POP1: variants seen among roughly 807,000 people sequenced by gnomAD.
The protein encoded by POP1 is POP1 ribonuclease P/MRP subunit, also known as ribonucleases P/MRP protein subunit POP1.
Under a neutral mutation model 102.2 loss-of-function variants are expected in POP1, and 75 were observed. The observed-to-expected ratio is 0.73, with a 90% CI of 0.61 to 0.89. The LOEUF is 0.89. Ranked by LOEUF, POP1 falls within the 40% of genes least tolerant of loss-of-function variation. The probability of loss-of-function intolerance (pLI) is 0.00; values close to 1 mark genes in which losing one functional copy is unlikely to be tolerated. For missense variants in POP1, 1,116 were observed against 1,267.4 expected, an observed-to-expected ratio of 0.88 and a Z score of 1.81; for synonymous variants, 436 against 464.1, an observed-to-expected ratio of 0.94 and a Z score of 0.78.
intron 12 of POP1, among the ~76,000 whole-genome samples, chr8:98,147,971 A>G (rs1809399931): frequency 6.6e-6 from 1 of 152,168 alleles, no homozygotes; most frequent in Non-Finnish European, 1.5e-5. Context: ...TTGTGGTGTC[A>G]TTCAGCTAGG....
intron 5 of POP1, among the ~76,000 whole-genome samples, chr8:98,130,843 T>C (rs1006773567): frequency 3.9e-5 from 6 of 152,218 alleles, no homozygotes; most frequent in Non-Finnish European, 4.4e-5. Flanking sequence ...GAAGGATGTT[T>C]TAAATTTTAA....
chr8:98,148,556 A>G (rs1809421279), intron 12 of POP1, among the ~76,000 whole-genome samples: 1 of 152,236 alleles, frequency 6.6e-6, no homozygotes. Context: ...TAATCTTGAT[A>G]TAAGAGATCA....
intron 1 of POP1, among the ~76,000 whole-genome samples, chr8:98,118,487 A>G (rs532484753): frequency 2.0e-5 from 3 of 151,944 alleles, no homozygotes; most frequent in Middle Eastern, 3.4e-3. Flanking sequence ...GTACAGTGGC[A>G]TGATCTTGGC....
chr8:98,128,547 G>A lies in POP1; in HGVS notation c.486+7G>A, dbSNP rs1292907977. On this transcript the variant is annotated splice_region_variant and intron_variant, in intron 4 of 15. Transcript: ENST00000401707. ...GGAGATTGCCCAGAAAGAGGTAGGA[G>A]TTCCACTTAGTGTAAATGTTTAGAT... is the stretch of plus-strand genomic sequence containing the variant. 2 of 1,613,414 alleles carry A rather than the reference G, an allele frequency of 1.2e-6. No homozygotes were observed. The highest frequency in any genetic ancestry group is 1.7e-5 in the Admixed American group (1 of 59,982).
At chr8:98,140,657 A>T in intron 10 of POP1, 112 bp from the exon 11 acceptor site, 2 of 1,073,532 alleles carry the variant, frequency 1.9e-6, no homozygotes, top group South Asian at 1.3e-5. Flanking sequence ...GTTTTTAAGT[A>T]ATTAGTCCAA....
intron 14 of POP1, among the ~76,000 whole-genome samples, chr8:98,153,508 A>G (rs1035926434): frequency 1.4e-5 from 2 of 141,464 alleles, no homozygotes; most frequent in African/African-American, 5.3e-5. Flanking sequence ...CTATCTTCCA[A>G]CTAGATTTAC....
intron 1 of POP1, among the ~76,000 whole-genome samples, chr8:98,121,904 C>G (rs1050589184): frequency 6.6e-6 from 1 of 152,044 alleles, no homozygotes; most frequent in African/African-American, 2.4e-5. Context: ...CCAAGATGGT[C>G]TCGATCTCCT....
chr8:98,131,473 T>TATA (rs1290135078), intron 5 of POP1, among the ~76,000 whole-genome samples: 3 of 152,352 alleles, frequency 2.0e-5, no homozygotes, highest in Non-Finnish European at 4.4e-5. Flanking sequence ...ATTGTAGGTA[T>TATA]ATACCGTATC....
intron 9 of POP1, 37 bp from the exon 10 acceptor site, chr8:98,140,041 A>T (rs1368166220): frequency 6.7e-7 from 1 of 1,494,674 alleles, no homozygotes; most frequent in East Asian, 2.3e-5. Context: ...AGGTGGATTC[A>T]TTGTTCGTCC....
At chr8:98,120,383 T>G (rs566604802) in intron 1 of POP1, among the ~76,000 whole-genome samples, 1 of 152,380 alleles carries the variant, frequency 6.6e-6, no homozygotes, top group African/African-American at 2.4e-5. Context: ...TACCATAAAC[T>G]GAGCATTTAG....
intron 5 of POP1, 54 bp from the exon 6 acceptor site, chr8:98,133,895 A>C: frequency 7.6e-7 from 1 of 1,318,386 alleles, no homozygotes; most frequent in Admixed American, 1.7e-5. Context: ...GCTTCTTAGC[A>C]GTTTTGCCTG....
chr8:98,157,847 T>G lies in POP1; in HGVS notation c.2651T>G (p.Leu884Arg). The change falls in exon 16 of 16, where the codon CTC becomes CGC. Residue 884 changes from leucine (L) to arginine (R), a missense_variant. Coordinates refer to ENST00000401707, the MANE Select transcript of POP1 (RefSeq NM_001145860.2). ...TGTGTCCCAGCCAAGGAGGACTTCC[T>G]CCAGCTCCATGAGGACTGGCATTAC... ...MICVPAKEDF[L>R]QLHEDWHYCG... is the part of the protein sequence containing the mutation. The G allele has an allele frequency of 6.2e-7, 1 of 1,614,146 alleles. No individual in the cohort carries two copies. The highest frequency in any genetic ancestry group is 1.1e-5 in the South Asian group (1 of 91,084).
At chr8:98,145,206 A>C (rs1430463273) in intron 11 of POP1, among the ~76,000 whole-genome samples, 1 of 152,170 alleles carries the variant, frequency 6.6e-6, no homozygotes. Context: ...GCTTTTAAAC[A>C]GTTTTAATCT....
At chr8:98,141,349 C>T (rs16896675) in intron 11 of POP1, among the ~76,000 whole-genome samples, 2 of 151,960 alleles carry the variant, frequency 1.3e-5, no homozygotes, top group East Asian at 1.9e-4. Context: ...CTAAGTAGTA[C>T]TAGAGGCCTG....
At chr8:98,119,402 T>A (rs1286271030) in intron 1 of POP1, among the ~76,000 whole-genome samples, 1 of 152,206 alleles carries the variant, frequency 6.6e-6, no homozygotes, top group Non-Finnish European at 1.5e-5. Context: ...GGGAACTAAC[T>A]AACACCAAAG....
rs552143368 is a variant in POP1 at position 98,124,791 on chromosome 8, T to G, written c.142+1312T>G. Among the ~76,000 whole-genome samples, 15 of 152,350 alleles carry G rather than the reference T, an allele frequency of 9.8e-5. No homozygotes were observed. The South Asian group carries it at 2.1e-3, about 21-fold the overall frequency. On this transcript the variant is annotated intron_variant, in intron 2 of 15. Transcript: ENST00000401707. ...TCTGTGTTTCCTAAGAGAAGTGCAG[T>G]ATAGTCATCATATCTGTATTTCACT...
At chr8:98,157,590 C>T (rs762807584) in intron 15 of POP1, 27 bp from the exon 16 acceptor site, 1 of 1,613,236 alleles carries the variant, frequency 6.2e-7, no homozygotes, top group Non-Finnish European at 8.5e-7. Context: ...AAAATATCCT[C>T]AAACGTATGT....
At chr8:98,138,166 G>A (rs1816603175) in intron 9 of POP1, among the ~76,000 whole-genome samples, 1 of 152,192 alleles carries the variant, frequency 6.6e-6, no homozygotes, top group Admixed American at 6.5e-5. Flanking sequence ...CACACAAGAG[G>A]CAGAGTGATT....
At position 98,156,479 on chromosome 8, in the gene POP1, G is replaced by A. The variant is rs569787421; in HGVS notation, c.2420+67G>A. 1.4e-5 allele frequency: 22 copies of A among 1,594,238 alleles called. 1 individual carries two copies. The highest frequency in any genetic ancestry group is 2.2e-5 in the South Asian group (2 of 89,522). ...TTTAATATTGAAGAGGCTACAGGAT[G>A]TAAGCGTTATCACTGTTTGTTTATG... On this transcript the variant is annotated intron_variant, in intron 15 of 15. Coordinates refer to ENST00000401707, the MANE Select transcript of POP1 (RefSeq NM_001145860.2).
Sources: allele counts gnomAD v4.1 joint callset (sites outside exome capture counted in the v4.1 genomes callset), GRCh38; gene constraint gnomAD v4.1.1; transcripts MANE v1.5; gene names NCBI Gene and HGNC (gene_info 2026-07-23, HGNC 2026-07-21).